The following DPF3 variants were observed in gnomAD, a reference collection of about 807,000 sequenced individuals.
The protein encoded by DPF3 is zinc finger protein DPF3.
In DPF3, 18 loss-of-function variants were observed where a neutral mutation model predicts 56.8. The observed-to-expected ratio is 0.32, with a 90% confidence interval of 0.22 to 0.47. The LOEUF (loss-of-function observed/expected upper bound fraction) is 0.47. Ranked by LOEUF, DPF3 falls within the 20% of genes least tolerant of loss-of-function variation. The probability of loss-of-function intolerance (pLI) is 1.00; values close to 1 mark genes in which losing one functional copy is unlikely to be tolerated. For synonymous variants in DPF3, 188 were observed against 180.2 expected (o/e 1.04, Z -0.35); for missense variants, 403 against 488.8 (o/e 0.82, Z 1.65).
intron 1 of DPF3, among the ~76,000 whole-genome samples, chr14:72,802,656 A>G (rs551022546): frequency 1.3e-5 from 2 of 152,276 alleles, no homozygotes; most frequent in South Asian, 2.1e-4. Flanking sequence ...GTTTGTTTTA[A>G]CTTACCAGGA....
intron 7 of DPF3, among the ~76,000 whole-genome samples, chr14:72,688,213 G>GGTGT (rs1887506092): frequency 7.4e-6 from 1 of 135,200 alleles, no homozygotes; most frequent in Non-Finnish European, 1.6e-5. Flanking sequence ...TGGGTGTGTG[G>GGTGT]GTGGATGGAT....
At chr14:72,884,948 A>ATATATATATATATATATATATATATG in intron 1 of DPF3, among the ~76,000 whole-genome samples, 2 of 80,830 alleles carry the variant, frequency 2.5e-5, no homozygotes, top group Non-Finnish European at 5.3e-5. Context: ...TACTATATAT[A>ATATATATATATATATATATATATATG]TATATATATA....
chr14:72,766,006 C>CA (rs1190380990), intron 2 of DPF3, among the ~76,000 whole-genome samples: 1 of 152,038 alleles, frequency 6.6e-6, no homozygotes, highest in Non-Finnish European at 1.5e-5. Context: ...AGGGTAGAGG[C>CA]ATGGAGAAGC....
intron 8 of DPF3, chr14:72,671,553 C>G: frequency 1.3e-6 from 1 of 742,848 alleles, no homozygotes; most frequent in South Asian, 1.4e-5. Context: ...GAAAAGGCAT[C>G]ATCTCTACCA....
intron 1 of DPF3, among the ~76,000 whole-genome samples, chr14:72,834,211 A>G (rs1188169666): frequency 5.9e-5 from 9 of 151,582 alleles, no homozygotes; most frequent in African/African-American, 1.7e-4. Flanking sequence ...AAAACCCACA[A>G]TGAGGCCAGG....
intron 1 of DPF3, among the ~76,000 whole-genome samples, chr14:72,793,665 G>A (rs1354459672): frequency 6.6e-6 from 1 of 152,180 alleles, no homozygotes; most frequent in Non-Finnish European, 1.5e-5. Context: ...TCCAAAGATG[G>A]GGTGGGGAAG....
At chr14:72,841,963 T>A (rs188270811) in intron 1 of DPF3, among the ~76,000 whole-genome samples, 1 of 152,032 alleles carries the variant, frequency 6.6e-6, no homozygotes, top group Admixed American at 6.6e-5. Context: ...GTGGTACACC[T>A]GTAATCCTAG....
chr14:72,666,653 A>G (rs1421041744), intron 8 of DPF3, among the ~76,000 whole-genome samples: 1 of 152,216 alleles, frequency 6.6e-6, no homozygotes, highest in Non-Finnish European at 1.5e-5. Flanking sequence ...ATATTCTAAT[A>G]GGGAAAGAAA....
intron 1 of DPF3, among the ~76,000 whole-genome samples, chr14:72,884,464 C>A (rs369239829): frequency 1.3e-5 from 2 of 152,108 alleles, no homozygotes; most frequent in African/African-American, 4.8e-5. Context: ...CATAGTAACA[C>A]CTCACATTTG....
chr14:72,842,147 C>T (rs1884568515), intron 1 of DPF3, among the ~76,000 whole-genome samples: 2 of 150,712 alleles, frequency 1.3e-5, no homozygotes, highest in South Asian at 2.1e-4. Flanking sequence ...TCATCAAAAT[C>T]GAATCAAGCA....
chr14:72,662,954 G>GA, intron 8 of DPF3: 1 of 668,676 alleles, frequency 1.5e-6, no homozygotes, highest in Non-Finnish European at 1.8e-6. Context: ...AAAAAAAGAA[G>GA]AAGAAAGAAA....
Position 72,875,030 on chromosome 14 carries a change from A to G in DPF3, c.32+19027T>C, listed in dbSNP as rs538066619. Among the ~76,000 whole-genome samples, 383 of 152,188 alleles carry G rather than the reference A, an allele frequency of 2.5e-3. 1 individual carries two copies. The highest frequency in any genetic ancestry group is 8.4e-3 in the African/African-American group (350 of 41,468). Reference sequence around the variant, plus strand: ...TGAAAGACACTTCTTATATGGCAGCAGCAAGAGAAAATGAGGAAGAAGCAA... The same window carrying G: ...TGAAAGACACTTCTTATATGGCAGCGGCAAGAGAAAATGAGGAAGAAGCAA... On this transcript the variant is annotated intron_variant, in intron 1 of 10. Transcript: ENST00000556509.
chr14:72,873,978 C>T (rs1000674363), intron 1 of DPF3, among the ~76,000 whole-genome samples: 8 of 150,548 alleles, frequency 5.3e-5, no homozygotes, highest in Non-Finnish European at 8.8e-5. Flanking sequence ...TGTTAAATGA[C>T]GAGTTAATGG....
In DPF3 at chr14:72,821,452, C is replaced by T. The variant is rs137884283; in HGVS notation, c.33-49559G>A. Among the ~76,000 whole-genome samples the T allele has an allele frequency of 2.7e-4, 41 of 152,296 alleles. 1 individual carries two copies. The East Asian group carries it at 6.9e-3, about 26-fold the overall frequency. The stretch of plus-strand genomic sequence containing the variant: ...AAGGGACAAAAAAGAATTTTTATTA[C>T]TGACCTTGTTTCTAGCAAGAAACAA... On this transcript the variant is annotated intron_variant, in intron 1 of 10. Transcript: ENST00000556509.
At chr14:72,850,644 C>G (rs1159272503) in intron 1 of DPF3, among the ~76,000 whole-genome samples, 10 of 152,316 alleles carry the variant, frequency 6.6e-5, no homozygotes, top group Non-Finnish European at 1.5e-5. Flanking sequence ...TCACAAACAT[C>G]TTTTGTGCCA....
chr14:72,679,892 G>C (rs1887082340), intron 7 of DPF3, among the ~76,000 whole-genome samples: 1 of 152,234 alleles, frequency 6.6e-6, no homozygotes, highest in African/African-American at 2.4e-5. Context: ...GAAGCTTGGG[G>C]GCCGGAGATG....
intron 1 of DPF3, among the ~76,000 whole-genome samples, chr14:72,855,054 G>A (rs1322328193): frequency 6.6e-6 from 1 of 152,174 alleles, no homozygotes; most frequent in Admixed American, 6.5e-5. Flanking sequence ...GGACTTGAAA[G>A]AAAGAATGAG....
intron 1 of DPF3, among the ~76,000 whole-genome samples, chr14:72,871,619 C>T (rs1405061010): frequency 6.6e-6 from 1 of 152,168 alleles, no homozygotes; most frequent in Non-Finnish European, 1.5e-5. Context: ...TGGGCAGCTC[C>T]GCCCCTGCAA....
intron 1 of DPF3, chr14:72,836,121 G>A: frequency 1.0e-6 from 1 of 985,776 alleles, no homozygotes; most frequent in South Asian, 4.7e-5. Flanking sequence ...CAGGTCCAAA[G>A]AAGAAGCCAG....
Sources: allele counts gnomAD v4.1 joint callset (sites outside exome capture counted in the v4.1 genomes callset), GRCh38; gene constraint gnomAD v4.1.1; transcripts MANE v1.5; gene names NCBI Gene and HGNC (gene_info 2026-07-23, HGNC 2026-07-21).